IL1RAPL1: variants seen among roughly 807,000 people sequenced by gnomAD.
The protein encoded by IL1RAPL1 is interleukin-1 receptor accessory protein-like 1.
A neutral mutation model predicts 48.4 loss-of-function variants in IL1RAPL1; 3 were observed. The observed-to-expected ratio is 0.06, with a 90% CI of 0.03 to 0.16. The LOEUF (loss-of-function observed/expected upper bound fraction) is 0.16. Ranked by LOEUF, IL1RAPL1 falls within the 10% of genes least tolerant of loss-of-function variation. The pLI is 1.00. For synonymous variants in IL1RAPL1, 185 were observed against 187.7 expected, an observed-to-expected ratio of 0.99 and a Z score of 0.12; for missense variants, 349 against 530.6, an observed-to-expected ratio of 0.66 and a Z score of 3.36.
Position 29,941,756 on chromosome X carries a change from T to G in IL1RAPL1, c.1163T>G (p.Phe388Cys). The part of the protein sequence containing the change: ...YKCYKIEIML[F>C]YRNHFGAEEL... ...TGTTACAAGATAGAAATCATGCTCT[T>G]CTACAGGAATCATTTTGGAGCTGAA... The change falls in exon 9 of 11, where the codon TTC becomes TGC. Residue 388 changes from phenylalanine to cysteine, a missense_variant. By Grantham distance (205) the Phe-to-Cys change is radical. This residue lies in a region of IL1RAPL1 where 238 missense variants were observed against 337.8 expected (regional missense o/e 0.70). Transcript: ENST00000378993. 1 of 1,209,326 alleles carries G rather than the reference T, an allele frequency of 8.3e-7. No homozygotes were observed. Among genetic ancestry groups the G allele is most frequent in the Non-Finnish European group, 1.1e-6 (1 of 893,305 alleles).
At chrX:29,270,740 A>G (rs1932029088) in intron 2 of IL1RAPL1, among the ~76,000 whole-genome samples, 1 of 112,239 alleles carries the variant, frequency 8.9e-6, no homozygotes, top group South Asian at 3.6e-4. Context: ...TGTTCTTTGA[A>G]AAAGTTATTT....
intron 5 of IL1RAPL1, among the ~76,000 whole-genome samples, chrX:29,500,917 C>G (rs1360406831): frequency 9.0e-6 from 1 of 111,525 alleles, no homozygotes; most frequent in Non-Finnish European, 1.9e-5. Flanking sequence ...AATGGCTATG[C>G]TAACTTACAT....
chrX:28,611,541 T>C (rs911081731), intron 1 of IL1RAPL1, among the ~76,000 whole-genome samples: 1 of 111,936 alleles, frequency 8.9e-6, no homozygotes, highest in African/African-American at 3.2e-5. Context: ...ATAAGAAGAG[T>C]GTATTTTAAG....
chrX:29,258,472 A>G (rs930087152), intron 2 of IL1RAPL1, among the ~76,000 whole-genome samples: 2 of 111,496 alleles, frequency 1.8e-5, no homozygotes, highest in Non-Finnish European at 3.8e-5. Flanking sequence ...TTTATACGAC[A>G]TTGTTCAGCT....
chrX:28,628,901 A>G (rs1350518253), intron 1 of IL1RAPL1, among the ~76,000 whole-genome samples: 1 of 112,052 alleles, frequency 8.9e-6, no homozygotes, highest in East Asian at 2.8e-4. Context: ...ATCTCATCTA[A>G]AACATTTTAG....
chrX:29,504,102 A>C (rs1387382780), intron 5 of IL1RAPL1, among the ~76,000 whole-genome samples: 1 of 110,017 alleles, frequency 9.1e-6, no homozygotes, highest in African/African-American at 3.3e-5. Context: ...CTGGGATTAC[A>C]GGCACCCCGA....
chrX:28,677,981 T>G (rs1935017906), intron 1 of IL1RAPL1, among the ~76,000 whole-genome samples: 1 of 111,310 alleles, frequency 9.0e-6, no homozygotes, highest in Non-Finnish European at 1.9e-5. Flanking sequence ...CTTCCATTTT[T>G]TTTTGTTATC....
intron 5 of IL1RAPL1, among the ~76,000 whole-genome samples, chrX:29,458,290 A>G (rs1261755968): frequency 2.7e-5 from 3 of 112,254 alleles, no homozygotes; most frequent in East Asian, 5.5e-4. Context: ...CCAGTTTTCA[A>G]TGTTTGCTTT....
At chrX:28,855,055 TGTCACCC>T (rs1309137928) in intron 2 of IL1RAPL1, among the ~76,000 whole-genome samples, 2 of 112,067 alleles carry the variant, frequency 1.8e-5, no homozygotes, top group Non-Finnish European at 3.8e-5. Flanking sequence ...GGTCTCACTC[TGTCACCC>T]AGGTTGGAGT....
chrX:29,737,629 C>T (rs770828468), intron 6 of IL1RAPL1, among the ~76,000 whole-genome samples: 37 of 112,349 alleles, frequency 3.3e-4, no homozygotes, highest in Non-Finnish European at 6.2e-4. Flanking sequence ...AGTAAAAGAA[C>T]TGCTGAAAAA....
intron 2 of IL1RAPL1, among the ~76,000 whole-genome samples, chrX:28,838,656 T>C (rs184595518): frequency 4.5e-5 from 5 of 110,909 alleles, no homozygotes; most frequent in Admixed American, 9.6e-5. Flanking sequence ...CTTCCTTTTT[T>C]TTGTTATCAC....
chrX:29,194,124 A>G (rs1205873740), intron 2 of IL1RAPL1, among the ~76,000 whole-genome samples: 4 of 112,263 alleles, frequency 3.6e-5, no homozygotes, highest in African/African-American at 1.3e-4. Context: ...GTAAATTAAA[A>G]GAGCATTTAA....
At chrX:29,379,976 A>G (rs894972917) in intron 3 of IL1RAPL1, among the ~76,000 whole-genome samples, 2 of 109,991 alleles carry the variant, frequency 1.8e-5, no homozygotes, top group Non-Finnish European at 3.8e-5. Context: ...CATGAGATGT[A>G]TTTTTTAGCT....
intron 5 of IL1RAPL1, among the ~76,000 whole-genome samples, chrX:29,660,099 C>T (rs1239065206): frequency 9.0e-6 from 1 of 110,894 alleles, no homozygotes; most frequent in Non-Finnish European, 1.9e-5. Flanking sequence ...AGATCTCCTG[C>T]GAACTCACTC....
chrX:29,057,484 A>G (rs982904457), intron 2 of IL1RAPL1, among the ~76,000 whole-genome samples: 8 of 108,679 alleles, frequency 7.4e-5, no homozygotes, highest in Non-Finnish European at 1.3e-4. Context: ...ATGGAGTGCA[A>G]TGGCACAATC....
intron 6 of IL1RAPL1, among the ~76,000 whole-genome samples, chrX:29,734,279 G>C (rs1239370574): frequency 8.9e-6 from 1 of 112,358 alleles, no homozygotes; most frequent in African/African-American, 3.2e-5. Context: ...TCTTCAGACA[G>C]GAACAAATCA....
chrX:29,215,933 T>G (rs1930859332), intron 2 of IL1RAPL1, among the ~76,000 whole-genome samples: 1 of 111,177 alleles, frequency 9.0e-6, no homozygotes. Context: ...ATCTGGTCCA[T>G]TCTCTGCTTG....
chrX:28,623,787 T>C (rs923378749), intron 1 of IL1RAPL1, among the ~76,000 whole-genome samples: 1 of 111,546 alleles, frequency 9.0e-6, no homozygotes, highest in African/African-American at 3.3e-5. Context: ...TTCATTGTCA[T>C]GGATTGTTTA....
rs955557410 is a variant in IL1RAPL1, at chrX:29,036,838, G to A, written c.83-246100G>A. Among the ~76,000 whole-genome samples, 4 of 111,375 alleles carry A rather than the reference G, an allele frequency of 3.6e-5. No homozygotes were observed. In the Admixed American group the frequency reaches 3.8e-4, roughly 11 times the overall value. The stretch of plus-strand genomic sequence containing the variant: ...TTAATGTGCTAATGTGCATTCTGAT[G>A]TTCCAAGGGGCATTCATAACATCCA... On this transcript the variant is annotated intron_variant, in intron 2 of 10. Coordinates refer to ENST00000378993, the MANE Select transcript of IL1RAPL1 (RefSeq NM_014271.4).
Sources: gnomAD v4.1 joint callset for allele counts (sites outside exome capture counted in the v4.1 genomes callset) on GRCh38, gnomAD v4.1.1 for gene constraint, gnomAD v4.1.1 regional missense constraint, MANE v1.5 for transcripts, NCBI Gene and HGNC (gene_info 2026-07-23, HGNC 2026-07-21) for gene names.